PCDHA5: variants seen among roughly 807,000 people sequenced by gnomAD.
PCDHA5 encodes protocadherin alpha-5.
PCDHA5 carries 43 observed loss-of-function variants against 61.6 expected under a neutral mutation model. That is an observed-to-expected ratio of 0.70 (90% CI 0.55 to 0.90). The LOEUF (loss-of-function observed/expected upper bound fraction) is 0.90, where lower values mean the gene tolerates loss of function less well. PCDHA5 is among the 40% of genes least tolerant of loss of function. PCDHA5 has a pLI of 0.00. For missense variants in PCDHA5, 1,298 were observed against 1,222.7 expected (o/e 1.06, Z -0.92); for synonymous variants, 627 against 543.9 (o/e 1.15, Z -2.13).
intron 1 of PCDHA5, chr5:140,930,058 C>T (rs1186770970): frequency 6.6e-6 from 1 of 152,172 alleles, no homozygotes; most frequent in Non-Finnish European, 1.5e-5. Context: ...TTTGCTTACA[C>T]AAAAACTGTA....
chr5:140,892,417 G>A lies in PCDHA5; in HGVS notation c.2352+68290G>A, dbSNP rs78605430. 5.2e-3 allele frequency among the ~76,000 whole-genome samples: 785 copies of A among 152,216 alleles called. 8 individuals are homozygous for A. Among genetic ancestry groups the A allele is most frequent in the Non-Finnish European group, 8.7e-3 (594 of 68,002 alleles). ...TCTATTTCAAGCTTCAGGTATTCTA[G>A]ATAAAACCTCATTATCTAAAATTTA... On this transcript the variant is annotated intron_variant, in intron 1 of 3. Transcript: ENST00000529859.
chr5:140,929,101 A>G (rs1554206680), intron 1 of PCDHA5: 3 of 1,614,242 alleles, frequency 1.9e-6, no homozygotes, highest in Admixed American at 1.7e-5. Flanking sequence ...AAATCCTTGC[A>G]TGACATCAGC....
chr5:140,892,779 A>G (rs1490865049), intron 1 of PCDHA5, among the ~76,000 whole-genome samples: 1 of 152,192 alleles, frequency 6.6e-6, no homozygotes, highest in Non-Finnish European at 1.5e-5. Flanking sequence ...TAGCTTCTTG[A>G]AAATATGTAA....
intron 1 of PCDHA5, among the ~76,000 whole-genome samples, chr5:140,903,665 G>A (rs2070490056): frequency 6.6e-6 from 1 of 152,156 alleles, no homozygotes; most frequent in African/African-American, 2.4e-5. Context: ...AAATTTAACT[G>A]ATATAAAAGA....
intron 1 of PCDHA5, chr5:140,927,156 G>A (rs1261418178): frequency 6.2e-7 from 1 of 1,614,016 alleles, no homozygotes; most frequent in African/African-American, 1.3e-5. Flanking sequence ...AGCTGTGCAG[G>A]GCCAAAGCTG....
rs189901944 is a variant in PCDHA5, at chr5:140,916,206, G to A, written c.2353-62743G>A. 4.6e-3 allele frequency among the ~76,000 whole-genome samples: 705 copies of A among 152,282 alleles called. 3 individuals carry two copies. The highest frequency in any genetic ancestry group is 0.016 in the African/African-American group (682 of 41,562). ...AGGAAGTGGGCACCCCTCTGCCCTG[G>A]GGAAGATCCAAATATGCTTTCCAGG... On this transcript the variant is annotated intron_variant, in intron 1 of 3. Transcript: ENST00000529859.
intron 1 of PCDHA5, among the ~76,000 whole-genome samples, chr5:140,902,432 C>T (rs566549203): frequency 1.3e-5 from 2 of 152,128 alleles, no homozygotes; most frequent in African/African-American, 4.8e-5. Flanking sequence ...AAGTGGGCAT[C>T]CTTGTCATAT....
chr5:140,870,096 T>C, intron 1 of PCDHA5: 1 of 1,613,854 alleles, frequency 6.2e-7, no homozygotes, highest in Non-Finnish European at 8.5e-7. Context: ...CAATGGCAGG[T>C]CACTGTACAG....
At chr5:140,951,234 C>A (rs1003242029) in intron 1 of PCDHA5, among the ~76,000 whole-genome samples, 2 of 152,028 alleles carry the variant, frequency 1.3e-5, no homozygotes. Flanking sequence ...ATGGTCTTTA[C>A]CTTTAGGAAT....
chr5:140,888,647 T>C (rs781796685), intron 1 of PCDHA5, among the ~76,000 whole-genome samples: 2 of 152,244 alleles, frequency 1.3e-5, no homozygotes, highest in African/African-American at 2.4e-5. Context: ...AATACTTTCC[T>C]GAGGACACCA....
At chr5:140,849,600 A>G (rs2040983382) in intron 1 of PCDHA5, 1 of 1,598,580 alleles carries the variant, frequency 6.3e-7, no homozygotes, top group Non-Finnish European at 8.6e-7. Context: ...GGGGACAGTT[A>G]TTGCCCTGAT....
chr5:140,897,255 C>A (rs890766563), intron 1 of PCDHA5, among the ~76,000 whole-genome samples: 2 of 151,828 alleles, frequency 1.3e-5, no homozygotes, highest in Admixed American at 1.3e-4. Flanking sequence ...CATATGTATA[C>A]ATGTGCCATG....
At chr5:140,973,089 T>G (rs534319830) in intron 1 of PCDHA5, among the ~76,000 whole-genome samples, 2 of 152,308 alleles carry the variant, frequency 1.3e-5, no homozygotes, top group East Asian at 3.9e-4. Flanking sequence ...TGGCACAACA[T>G]GTAGAAATTA....
chr5:140,883,093 A>T (rs1035461317), intron 1 of PCDHA5: 1 of 1,614,146 alleles, frequency 6.2e-7, no homozygotes, highest in Non-Finnish European at 8.5e-7. Flanking sequence ...GTACAAATGG[A>T]GATATAGTTT....
intron 1 of PCDHA5, chr5:140,851,974 CT>C (rs1190115566): frequency 2.0e-6 from 2 of 976,536 alleles, no homozygotes; most frequent in African/African-American, 3.5e-5. Context: ...CACACTCTAC[CT>C]TTAGTGCAAG....
intron 1 of PCDHA5, among the ~76,000 whole-genome samples, chr5:140,916,511 C>G (rs2077595595): frequency 6.6e-6 from 1 of 152,132 alleles, no homozygotes; most frequent in African/African-American, 2.4e-5. Flanking sequence ...ATTAATCTTG[C>G]CAAGACTGGG....
chr5:140,821,943 G>A lies in PCDHA5; in HGVS notation c.168G>A (p.Ala56=), dbSNP rs2150112209. Residue 56 remains alanine (A), a synonymous_variant, in exon 1 of 4, where the codon GCG becomes GCA. Coordinates refer to ENST00000529859, the MANE Select transcript of PCDHA5 (RefSeq NM_018908.3). ...CGCAGGACCTAGGGCTGGAGCTGGC[G>A]GAGCTGGTGCCGCGCCTGTTCCGGG... is the stretch of plus-strand genomic sequence containing the variant. The part of the protein sequence containing the change: ...RIAQDLGLEL[A]ELVPRLFRVA... 2 of 1,614,184 alleles carry A rather than the reference G, an allele frequency of 1.2e-6. No individual in the cohort carries two copies. Among genetic ancestry groups the A allele is most frequent in the East Asian group, 4.5e-5 (2 of 44,886 alleles).
At chr5:140,910,067 G>A (rs868941459) in intron 1 of PCDHA5, among the ~76,000 whole-genome samples, 11 of 152,312 alleles carry the variant, frequency 7.2e-5, no homozygotes, top group Non-Finnish European at 1.3e-4. Context: ...TTTTAACAGC[G>A]TAAATTGTTG....
intron 3 of PCDHA5, among the ~76,000 whole-genome samples, chr5:140,988,486 T>C (rs2153874124): frequency 6.6e-6 from 1 of 152,286 alleles, no homozygotes; most frequent in South Asian, 2.1e-4. Context: ...TAGCATCCCC[T>C]ACCTAGGAGA....
Sources: gnomAD v4.1 joint callset for allele counts (sites outside exome capture counted in the v4.1 genomes callset) on GRCh38, gnomAD v4.1.1 for gene constraint, MANE v1.5 for transcripts, NCBI Gene and HGNC (gene_info 2026-07-23, HGNC 2026-07-21) for gene names.